The following C4orf51 variants were observed in gnomAD, a reference collection of about 807,000 sequenced individuals.
The protein encoded by C4orf51 is uncharacterized protein C4orf51.
C4orf51 carries 25 observed loss-of-function variants against 25.2 expected under a neutral mutation model. That is an observed-to-expected ratio of 0.99 (90% CI 0.72 to 1.39). C4orf51 has a LOEUF of 1.39. Among genes scored for constraint, C4orf51 ranks in the 40% most tolerant of loss-of-function variants. The pLI is 0.00. For synonymous variants in C4orf51, 100 were observed against 84.5 expected, an observed-to-expected ratio of 1.18 and a Z score of -1.01; for missense variants, 252 against 239.6, an observed-to-expected ratio of 1.05 and a Z score of -0.34.
At chr4:145,688,561 C>T (rs910429195) in intron 1 of C4orf51, among the ~76,000 whole-genome samples, 2 of 152,228 alleles carry the variant, frequency 1.3e-5, no homozygotes, top group Non-Finnish European at 2.9e-5. Flanking sequence ...CATGCTCTAT[C>T]TCTCCTGCCA....
the C4orf51 span, among the ~76,000 whole-genome samples, chr4:145,786,146 C>T: frequency 1.3e-5 from 2 of 152,076 alleles, no homozygotes; most frequent in Non-Finnish European, 1.5e-5. Context: ...TAAGCAAAAC[C>T]TCAAAAAACA....
chr4:145,722,950 G>A (rs917863395), intron 2 of C4orf51, among the ~76,000 whole-genome samples: 1 of 152,142 alleles, frequency 6.6e-6, no homozygotes, highest in Non-Finnish European at 1.5e-5. Flanking sequence ...CCCCAGATGA[G>A]ACCATCTAAT....
At chr4:145,753,606 T>A (rs1579040173) in intron 1 of C4orf51, among the ~76,000 whole-genome samples, 1 of 152,192 alleles carries the variant, frequency 6.6e-6, no homozygotes, top group Admixed American at 6.5e-5. Flanking sequence ...AGAGAAGATG[T>A]CAGACAAATG....
rs548357090 is a variant in C4orf51 at position 145,690,323 on chromosome 4, G to A, written c.234-6236G>A. Among the ~76,000 whole-genome samples the A allele has an allele frequency of 4.0e-5, 6 of 151,364 alleles. No individual in the cohort carries two copies. In the South Asian group the frequency reaches 1.3e-3, roughly 32 times the overall value. On this transcript the variant is annotated intron_variant, in intron 1 of 5. Coordinates refer to ENST00000438731, the MANE Select transcript of C4orf51 (RefSeq NM_001080531.3). ...GATCAAGACCATCCTGGCTAACATG[G>A]TGAAACCTCGTCTCTACTAAAAATA...
chr4:145,746,391 T>A (rs1230429674), intron 1 of C4orf51, among the ~76,000 whole-genome samples: 6 of 152,166 alleles, frequency 3.9e-5, no homozygotes, highest in Admixed American at 1.3e-4. Context: ...GATTTTTGTA[T>A]ATAGTGAGAA....
chr4:145,774,897 C>T (rs1188490373), downstream of C4orf51, among the ~76,000 whole-genome samples: 1 of 152,228 alleles, frequency 6.6e-6, no homozygotes, highest in Non-Finnish European at 1.5e-5. Flanking sequence ...GTAACAATCA[C>T]ATATGTGTTA....
chr4:145,733,230 C>T (rs1392406256), downstream of C4orf51, among the ~76,000 whole-genome samples: 2 of 151,968 alleles, frequency 1.3e-5, no homozygotes, highest in African/African-American at 4.8e-5. Context: ...CCGTCTCCTT[C>T]TTCCTCCACG....
chr4:145,711,279 CA>C, intron 2 of C4orf51, among the ~76,000 whole-genome samples: 1 of 152,320 alleles, frequency 6.6e-6, no homozygotes, highest in Non-Finnish European at 1.5e-5. Flanking sequence ...AACTACTTTT[CA>C]AACCTATACT....
At chr4:145,708,593 G>A (rs559748648) in intron 2 of C4orf51, among the ~76,000 whole-genome samples, 1 of 152,300 alleles carries the variant, frequency 6.6e-6, no homozygotes, top group African/African-American at 2.4e-5. Context: ...TCACAATTAT[G>A]CACTTGGGAA....
Position 145,765,606 on chromosome 4 carries a change from A to C in C4orf51, n.167-5382A>C, listed in dbSNP as rs1735169926. Reference sequence around the variant, plus strand: ...CTGGCTCCCAGGCATGACAGAGATGACCAGCAGATTGTTCCCGCCCTTGTT... The same window carrying C: ...CTGGCTCCCAGGCATGACAGAGATGCCCAGCAGATTGTTCCCGCCCTTGTT... On this transcript the variant is annotated intron_variant and non_coding_transcript_variant, in intron 1 of 1. Coordinates refer to the C4orf51 transcript ENST00000510096. This position sits in a 1 kb window ranked among gnomAD's most constrained non-coding sequence, Gnocchi z 4.7. 1 of 1,613,940 alleles carries C rather than the reference A, an allele frequency of 6.2e-7. No homozygotes were observed. Among genetic ancestry groups the C allele is most frequent in the South Asian group, 1.1e-5 (1 of 91,072 alleles).
intron 1 of C4orf51, among the ~76,000 whole-genome samples, chr4:145,739,737 G>GT (rs1236696131): frequency 6.6e-6 from 1 of 152,198 alleles, no homozygotes; most frequent in African/African-American, 2.4e-5. Flanking sequence ...ACACTAAAGT[G>GT]TTTGATATGA....
At position 145,761,923 on chromosome 4, in the gene C4orf51, C is replaced by G. The variant is rs1385253755; in HGVS notation, n.167-9065C>G. Among the ~76,000 whole-genome samples the G allele has an allele frequency of 6.6e-6, 1 of 152,154 alleles. No individual in the cohort carries two copies. Among genetic ancestry groups the G allele is most frequent in the Non-Finnish European group, 1.5e-5 (1 of 68,022 alleles). On this transcript the variant is annotated intron_variant and non_coding_transcript_variant, in intron 1 of 1. Transcript: ENST00000510096. This position sits in a 1 kb window ranked among gnomAD's most constrained non-coding sequence, Gnocchi z 6.8. The stretch of plus-strand genomic sequence containing the variant: ...TCAATTTGCTGGTGCTCCCCTCCAG[C>G]CCCCGCCCGGCCCCTCGGAGCCCTC...
At chr4:145,702,980 C>G (rs1309298034) in intron 2 of C4orf51, among the ~76,000 whole-genome samples, 2 of 151,732 alleles carry the variant, frequency 1.3e-5, no homozygotes, top group African/African-American at 4.8e-5. Context: ...CCATACCACC[C>G]CCCCAAAATT....
chr4:145,783,648 T>TG, the C4orf51 span, among the ~76,000 whole-genome samples: 178 of 152,384 alleles, frequency 1.2e-3, 1 homozygote, highest in African/African-American at 4.1e-3. Flanking sequence ...GCCAAAGTTC[T>TG]GAGAAGGCTT....
intron 1 of C4orf51, among the ~76,000 whole-genome samples, chr4:145,751,645 A>G (rs1308786267): frequency 6.6e-6 from 1 of 152,108 alleles, no homozygotes; most frequent in Non-Finnish European, 1.5e-5. Context: ...GGCTCTACTT[A>G]TGTACTTATG....
chr4:145,748,061 A>G (rs1341303512), intron 1 of C4orf51, among the ~76,000 whole-genome samples: 1 of 152,030 alleles, frequency 6.6e-6, no homozygotes, highest in Non-Finnish European at 1.5e-5. Context: ...TTACTAGTCA[A>G]ATAACATTCA....
At chr4:145,697,839 G>A (rs1010357037) in intron 2 of C4orf51, among the ~76,000 whole-genome samples, 14 of 152,162 alleles carry the variant, frequency 9.2e-5, no homozygotes, top group Admixed American at 6.5e-5. Flanking sequence ...GTAGCTCTTC[G>A]AGGTCGTGAT....
chr4:145,784,854 T>A, the C4orf51 span, among the ~76,000 whole-genome samples: 3 of 152,100 alleles, frequency 2.0e-5, no homozygotes, highest in Admixed American at 2.0e-4. Flanking sequence ...TGGTAACCTC[T>A]TTTTTTGTAC....
At chr4:145,766,530 G>A (rs1247048720) in intron 1 of C4orf51, among the ~76,000 whole-genome samples, 2 of 152,204 alleles carry the variant, frequency 1.3e-5, no homozygotes, top group Non-Finnish European at 2.9e-5. Context: ...GAACCAGGTG[G>A]AACCTGACAG....
Sources: gnomAD v4.1 joint callset for allele counts (sites outside exome capture counted in the v4.1 genomes callset) on GRCh38, gnomAD v4.1.1 for gene constraint, Gnocchi (gnomAD v3.1) non-coding constraint, MANE v1.5 for transcripts, NCBI Gene and HGNC (gene_info 2026-07-23, HGNC 2026-07-21) for gene names.